Variants in RANBP2 observed in about 807,000 individuals in gnomAD.
The protein encoded by RANBP2 is E3 SUMO-protein ligase RanBP2.
In RANBP2, 57 loss-of-function variants were observed where a neutral mutation model predicts 303.6. The ratio of observed to expected loss-of-function variants is 0.19; its 90% CI spans 0.15 to 0.23. RANBP2 has a LOEUF of 0.23. RANBP2 is among the 10% of genes least tolerant of loss of function. The probability of loss-of-function intolerance (pLI) is 1.00; values close to 1 mark genes in which losing one functional copy is unlikely to be tolerated. For synonymous variants in RANBP2, 1,167 were observed against 1,301.5 expected (o/e 0.90, Z 2.23); for missense variants, 3,138 against 3,780.8 (o/e 0.83, Z 4.46).
chr2:109,198,975 T>G, the RANBP2 span, among the ~76,000 whole-genome samples: 1 of 152,224 alleles, frequency 6.6e-6, no homozygotes, highest in Admixed American at 6.5e-5. Context: ...GCAGTCATCA[T>G]GGACTGCAGG....
the RANBP2 span, among the ~76,000 whole-genome samples, chr2:109,577,781 T>G: frequency 2.7e-5 from 4 of 150,210 alleles, no homozygotes; most frequent in Non-Finnish European, 5.9e-5. Flanking sequence ...GGTGGGGTGG[T>G]GTGTGACTGC....
the RANBP2 span, among the ~76,000 whole-genome samples, chr2:109,339,842 G>A: frequency 6.6e-6 from 1 of 152,108 alleles, no homozygotes; most frequent in Non-Finnish European, 1.5e-5. Flanking sequence ...CTGGCCCAAC[G>A]GATGACTGAC....
chr2:108,791,691 G>T, the RANBP2 span: 1 of 1,607,474 alleles, frequency 6.2e-7, no homozygotes, highest in Non-Finnish European at 8.5e-7. Context: ...TGATGAACTG[G>T]ATTCTTTCCA....
the RANBP2 span, among the ~76,000 whole-genome samples, chr2:109,020,451 A>AT: frequency 6.6e-6 from 1 of 152,228 alleles, no homozygotes; most frequent in Admixed American, 6.5e-5. Context: ...GATTAGAGCT[A>AT]TTTTTAGTGA....
the RANBP2 span, among the ~76,000 whole-genome samples, chr2:108,815,445 T>C: frequency 6.8e-6 from 1 of 147,374 alleles, no homozygotes; most frequent in Admixed American, 6.9e-5. Flanking sequence ...TAATATTAGT[T>C]GGGGAGGTTT....
At chr2:108,788,019 T>TC (rs922971260), downstream of RANBP2, 3 of 970,830 alleles carry the variant, frequency 3.1e-6, no homozygotes, top group African/African-American at 8.2e-5. Flanking sequence ...AAATCTTTTC[T>TC]TTTTTTTTTT....
intron 25 of RANBP2, among the ~76,000 whole-genome samples, chr2:108,779,449 G>C (rs1319782159): frequency 1.3e-5 from 2 of 152,226 alleles, no homozygotes; most frequent in East Asian, 3.8e-4. Flanking sequence ...ACAGGCATGA[G>C]CCACCACACC....
the RANBP2 span, among the ~76,000 whole-genome samples, chr2:109,429,104 G>C: frequency 6.6e-6 from 1 of 152,186 alleles, no homozygotes; most frequent in Non-Finnish European, 1.5e-5. Context: ...GACCCTGAGA[G>C]GTGGGAGGGA....
At chr2:109,655,399 TGGGCAA>T in the RANBP2 span, among the ~76,000 whole-genome samples, 1 of 152,142 alleles carries the variant, frequency 6.6e-6, no homozygotes, top group Non-Finnish European at 1.5e-5. Flanking sequence ...AGAATTGAAA[TGGGCAA>T]GGCCTGGAAG....
chr2:109,180,914 G>C, the RANBP2 span, among the ~76,000 whole-genome samples: 12 of 152,214 alleles, frequency 7.9e-5, no homozygotes, highest in Non-Finnish European at 1.6e-4. Flanking sequence ...CATGCAGAGA[G>C]CTCTGCAGTG....
chr2:109,351,391 A>G, the RANBP2 span, among the ~76,000 whole-genome samples: 2 of 152,258 alleles, frequency 1.3e-5, no homozygotes, highest in Admixed American at 6.5e-5. Context: ...TGAGAACCAC[A>G]TGATATAAAT....
the RANBP2 span, among the ~76,000 whole-genome samples, chr2:109,669,606 C>T: frequency 3.2e-4 from 48 of 152,200 alleles, 1 homozygote; most frequent in Admixed American, 1.9e-3. Context: ...GAATTCAGAA[C>T]GGCCACTATG....
the RANBP2 span, among the ~76,000 whole-genome samples, chr2:109,697,563 T>C: frequency 6.6e-6 from 1 of 152,058 alleles, no homozygotes; most frequent in Middle Eastern, 3.2e-3. Flanking sequence ...AGAACTACAA[T>C]AGATTTTTGC....
the RANBP2 span, among the ~76,000 whole-genome samples, chr2:109,161,857 A>T: frequency 6.6e-6 from 1 of 151,900 alleles, no homozygotes; most frequent in Non-Finnish European, 1.5e-5. Context: ...AACATTGGGG[A>T]TCACATTTTA....
At chr2:108,990,052 T>C in the RANBP2 span, among the ~76,000 whole-genome samples, 5 of 152,172 alleles carry the variant, frequency 3.3e-5, no homozygotes, top group Admixed American at 6.5e-5. Context: ...ACCCCAGCAC[T>C]TTGGAGGCTG....
At chr2:109,312,508 C>T in the RANBP2 span, among the ~76,000 whole-genome samples, 1 of 152,138 alleles carries the variant, frequency 6.6e-6, no homozygotes, top group East Asian at 1.9e-4. Context: ...AGGAAACTCT[C>T]TACCCATCAG....
chr2:109,653,181 G>T, the RANBP2 span, among the ~76,000 whole-genome samples: 502 of 152,134 alleles, frequency 3.3e-3, 2 homozygotes, highest in African/African-American at 0.011. Context: ...TGGATCATGA[G>T]GTCAAGAGTT....
the RANBP2 span, among the ~76,000 whole-genome samples, chr2:109,671,158 G>C: frequency 1.3e-5 from 2 of 152,150 alleles, no homozygotes; most frequent in Non-Finnish European, 2.9e-5. Flanking sequence ...TTCCTACCAG[G>C]AGAAGGAGGA....
At chr2:109,739,682 T>G in the RANBP2 span, among the ~76,000 whole-genome samples, 111 of 152,002 alleles carry the variant, frequency 7.3e-4, no homozygotes, top group East Asian at 6.1e-3. Context: ...AGGATAATTT[T>G]ACGTCTTCCT....
Sources: allele counts gnomAD v4.1 joint callset (sites outside exome capture counted in the v4.1 genomes callset), GRCh38; gene constraint gnomAD v4.1.1; transcripts MANE v1.5; gene names NCBI Gene and HGNC (gene_info 2026-07-23, HGNC 2026-07-21).